SCN7A: variants seen among roughly 807,000 people sequenced by gnomAD.
SCN7A encodes the protein sodium voltage-gated channel alpha subunit 7, also known as sodium channel protein type 7 subunit alpha.
In SCN7A, 138 loss-of-function variants were observed where a neutral mutation model predicts 155.2. The observed-to-expected ratio is 0.89, with a 90% CI of 0.77 to 1.02. The LOEUF is 1.02. Among genes scored for constraint, SCN7A ranks in the 50% least tolerant of loss-of-function variants. SCN7A has a pLI of 0.00. For missense variants in SCN7A, 2,058 were observed against 1,986.6 expected (o/e 1.04, Z -0.68); for synonymous variants, 693 against 649.0 (o/e 1.07, Z -1.03).
intron 4 of SCN7A, 39 bp from the exon 5 acceptor site, chr2:166,473,927 T>A: frequency 9.2e-7 from 1 of 1,083,436 alleles, no homozygotes; most frequent in African/African-American, 1.6e-5. Flanking sequence ...ATAAATAATA[T>A]TGGAAAAGAT....
At chr2:166,438,603 T>C (rs1701887151) in intron 15 of SCN7A, among the ~76,000 whole-genome samples, 1 of 152,200 alleles carries the variant, frequency 6.6e-6, no homozygotes, top group African/African-American at 2.4e-5. Flanking sequence ...TGAGTTTTCT[T>C]AGAAGAGTAA....
At chr2:166,429,601 T>A (rs1011629897) in intron 16 of SCN7A, among the ~76,000 whole-genome samples, 1 of 152,120 alleles carries the variant, frequency 6.6e-6, no homozygotes, top group African/African-American at 2.4e-5. Context: ...AAAGTTTTCT[T>A]GGAGTAAGTC....
In SCN7A at chr2:166,405,928, A is replaced by G. The variant is rs1310769282; in HGVS notation, c.4701T>C (p.Ala1567=). 22 of 1,612,832 alleles carry G rather than the reference A, an allele frequency of 1.4e-5. No individual in the cohort carries two copies. Among genetic ancestry groups the G allele is most frequent in the Non-Finnish European group, 1.9e-5 (22 of 1,179,262 alleles). ...GQLIALDLPM[A]VGDRIHCLDI... Reference sequence around the variant, plus strand: ...CGAGGCAATGAATTCTGTCCCCAACAGCCATGGGGAGGTCCAAAGCAATGA... The same window carrying G: ...CGAGGCAATGAATTCTGTCCCCAACGGCCATGGGGAGGTCCAAAGCAATGA... The change falls in exon 26 of 26, where the codon GCT becomes GCC. Residue 1567 remains alanine, a synonymous_variant. Coordinates refer to ENST00000643258, the MANE Select transcript of SCN7A (RefSeq NM_002976.4).
At chr2:166,424,182 T>A (rs899808793) in intron 18 of SCN7A, among the ~76,000 whole-genome samples, 2 of 152,136 alleles carry the variant, frequency 1.3e-5, no homozygotes, top group Non-Finnish European at 2.9e-5. Flanking sequence ...ATTTTATGAC[T>A]TTTAATTGAA....
intron 16 of SCN7A, among the ~76,000 whole-genome samples, chr2:166,431,441 A>T (rs1701729798): frequency 6.6e-6 from 1 of 152,076 alleles, no homozygotes; most frequent in African/African-American, 2.4e-5. Context: ...GCCACAGATG[A>T]TGGGGACCTG....
At chr2:166,419,579 C>T (rs1457998868) in intron 20 of SCN7A, among the ~76,000 whole-genome samples, 1 of 151,956 alleles carries the variant, frequency 6.6e-6, no homozygotes, top group East Asian at 1.9e-4. Flanking sequence ...GTTACCCGGG[C>T]TCGTCTCAAA....
rs148611816 is a variant in SCN7A at position 166,412,944 on chromosome 2, C to T, written c.3468+124G>A. The T allele has an allele frequency of 1.3e-5, 11 of 867,740 alleles. No homozygotes were observed. In the East Asian group the frequency reaches 1.4e-4, roughly 11 times the overall value. The allele number at this position is 867,740 out of a possible 1,614,324, so 53.8% of individuals were successfully genotyped here. On this transcript the variant is annotated intron_variant, in intron 22 of 25. Transcript: ENST00000643258. ...AATAACCCTGGAAGAATTTCATTGC[C>T]AATGAAATATCCAATCTGAACTGCA...
chr2:166,460,179 A>G (rs1340547374), intron 10 of SCN7A, among the ~76,000 whole-genome samples: 1 of 152,190 alleles, frequency 6.6e-6, no homozygotes, highest in East Asian at 1.9e-4. Flanking sequence ...TGAGGGCCCT[A>G]ATGGCAGGAC....
At chr2:166,471,632 A>T (rs1164216845) in intron 6 of SCN7A, among the ~76,000 whole-genome samples, 1 of 151,174 alleles carries the variant, frequency 6.6e-6, no homozygotes, top group Non-Finnish European at 1.5e-5. Flanking sequence ...GCCAGTAATG[A>T]TTTCCATAGC....
chr2:166,484,206 G>T (rs1442095829), intron 2 of SCN7A, among the ~76,000 whole-genome samples: 1 of 151,840 alleles, frequency 6.6e-6, no homozygotes, highest in African/African-American at 2.4e-5. Flanking sequence ...TATGGACTAT[G>T]GGGAAAGCAT....
In SCN7A at chr2:166,475,093, C is replaced by CGTATATATGTATATATATATAT. The variant is rs1193173809; in HGVS notation, c.235-750_235-749insATATATATATATACATATATAC. On this transcript the variant is annotated intron_variant, in intron 3 of 25. Transcript: ENST00000643258. ...TTTTATATTTGTGTATATATATATA[C>CGTATATATGTATATATATATAT]ACATATATATGTATATATATATATA... is the stretch of plus-strand genomic sequence containing the variant. Among the ~76,000 whole-genome samples the CGTATATATGTATATATATATAT allele has an allele frequency of 2.0e-3, 257 of 129,538 alleles. 6 individuals carry two copies. Among genetic ancestry groups the CGTATATATGTATATATATATAT allele is most frequent in the African/African-American group, 7.0e-3 (246 of 35,136 alleles). 85.0% of individuals were successfully genotyped at this position (129,538 alleles called of 152,430 possible).
intron 4 of SCN7A, 35 bp downstream of exon 4, chr2:166,474,191 C>T (rs1239779004): frequency 1.0e-6 from 1 of 974,122 alleles, no homozygotes; most frequent in Non-Finnish European, 1.5e-6. Flanking sequence ...AATGTCAGCA[C>T]AGTTTAAAGT....
Position 166,444,960 on chromosome 2 carries a change from A to C in SCN7A, c.1428T>G (p.Tyr476Ter). 6.2e-7 allele frequency: 1 copy of C among 1,612,870 alleles called. No homozygotes were observed. The highest frequency in any genetic ancestry group is 8.5e-7 in the Non-Finnish European group (1 of 1,179,014). Residue 476 changes from tyrosine (Y) to a stop codon, truncating the protein, a stop_gained, in exon 13 of 26, where the codon TAT (tyrosine) becomes TAG (stop). Transcript: ENST00000643258. LOFTEE classifies it high-confidence loss of function. ...AGATCAAGAAAGTTTTAGCAAACTT[A>C]TACCAGTATAATGGGCATATCTTCT... ...KSKKICPLYW[Y>*]KFAKTFLIWN...
chr2:166,412,756 C>A, intron 22 of SCN7A, 89 bp from the exon 23 acceptor site: 3 of 1,420,054 alleles, frequency 2.1e-6, no homozygotes, highest in Non-Finnish European at 2.8e-6. Flanking sequence ...AATAACAAAA[C>A]AAGCATTGTT....
intron 20 of SCN7A, 122 bp from the exon 21 acceptor site, chr2:166,417,107 A>C: frequency 1.3e-6 from 1 of 756,596 alleles, no homozygotes; most frequent in Non-Finnish European, 2.1e-6. Context: ...AAAAGGCCAT[A>C]TCTAAAGATT....
At chr2:166,456,747 A>G (rs1702283430) in intron 11 of SCN7A, 123 bp downstream of exon 11, 1 of 475,862 alleles carries the variant, frequency 2.1e-6, no homozygotes, top group Non-Finnish European at 3.3e-6. Context: ...AACTGTCTTA[A>G]CAGAGCCTAA....
intron 14 of SCN7A, among the ~76,000 whole-genome samples, chr2:166,443,259 G>A (rs1274096634): frequency 6.6e-6 from 1 of 152,024 alleles, no homozygotes; most frequent in Non-Finnish European, 1.5e-5. Context: ...CCCTGACCCT[G>A]CTTCCTAAAA....
chr2:166,419,086 T>G (rs1701452691), intron 20 of SCN7A, among the ~76,000 whole-genome samples: 1 of 152,190 alleles, frequency 6.6e-6, no homozygotes, highest in Admixed American at 6.6e-5. Flanking sequence ...CTGGCAAATC[T>G]CTTCCTCCTT....
intron 11 of SCN7A, among the ~76,000 whole-genome samples, chr2:166,448,452 T>C (rs923716795): frequency 1.3e-5 from 2 of 152,204 alleles, no homozygotes; most frequent in African/African-American, 4.8e-5. Context: ...CTGACTTTCT[T>C]TCTTTTGAGT....
Sources: gnomAD v4.1 joint callset for allele counts (sites outside exome capture counted in the v4.1 genomes callset) on GRCh38, gnomAD v4.1.1 for gene constraint, MANE v1.5 for transcripts, NCBI Gene and HGNC (gene_info 2026-07-23, HGNC 2026-07-21) for gene names.